The following ADH1C variants were observed in gnomAD, a reference collection of about 807,000 sequenced individuals.
ADH1C encodes alcohol dehydrogenase 1C.
A neutral mutation model predicts 35.0 loss-of-function variants in ADH1C; 26 were observed. The observed-to-expected ratio is 0.74, with a 90% CI of 0.54 to 1.03. ADH1C has a LOEUF of 1.03. ADH1C is among the 50% of genes least tolerant of loss of function. ADH1C has a pLI of 0.00. For missense variants in ADH1C, 413 were observed against 465.4 expected, an observed-to-expected ratio of 0.89 and a Z score of 1.04; for synonymous variants, 170 against 169.3, an observed-to-expected ratio of 1.00 and a Z score of -0.03.
chr4:99,342,520 T>A (rs1295859152), intron 6 of ADH1C, among the ~76,000 whole-genome samples: 5 of 152,174 alleles, frequency 3.3e-5, no homozygotes, highest in Non-Finnish European at 7.4e-5. Context: ...CATTTTAAAC[T>A]AAAAATTAAT....
rs1056165214 is a variant in ADH1C at position 99,339,515 on chromosome 4, C to G, written c.1103+62G>C. On this transcript the variant is annotated intron_variant, in intron 8 of 8. Transcript: ENST00000515683. ...TTTTCATTCTCTGCTAGACAACGCCCCCCCCCCCCCCGCCGCTACTGTAGA... is the reference window on the plus strand; with the variant it reads ...TTTTCATTCTCTGCTAGACAACGCCGCCCCCCCCCCCGCCGCTACTGTAGA... 17 of 203,246 alleles carry G rather than the reference C, an allele frequency of 8.4e-5. No individual in the cohort carries two copies. In the African/African-American group the frequency reaches 4.4e-3, roughly 53 times the overall value. 12.6% of individuals were successfully genotyped at this position (203,246 alleles called of 1,614,324 possible).
At chr4:99,337,055 T>C (rs1005905008) in intron 8 of ADH1C, among the ~76,000 whole-genome samples, 1 of 152,220 alleles carries the variant, frequency 6.6e-6, no homozygotes, top group East Asian at 1.9e-4. Flanking sequence ...AAAAATCATT[T>C]TGGCGTGCCC....
chr4:99,342,337 G>C (rs1296798061), intron 6 of ADH1C, among the ~76,000 whole-genome samples: 5 of 152,134 alleles, frequency 3.3e-5, no homozygotes, highest in Non-Finnish European at 5.9e-5. Context: ...TAAAATAATA[G>C]TTGGTCTAAA....
rs537229023 is a variant in ADH1C at position 99,344,843 on chromosome 4, C to T, written c.567+19G>A. Reference sequence around the variant, plus strand: ...ACAGTCTGCGTGTAACCGGTTTTATCATCCATTGTCATTTCTACCTTGGCA... The same window carrying T: ...ACAGTCTGCGTGTAACCGGTTTTATTATCCATTGTCATTTCTACCTTGGCA... On this transcript the variant is annotated intron_variant, in intron 5 of 8. Coordinates refer to ENST00000515683, the MANE Select transcript of ADH1C (RefSeq NM_000669.5). The T allele has an allele frequency of 6.2e-5, 100 of 1,614,034 alleles. 1 individual carries two copies. The highest frequency in any genetic ancestry group is 8.4e-5 in the Non-Finnish European group (99 of 1,179,960).
intron 6 of ADH1C, among the ~76,000 whole-genome samples, chr4:99,341,547 T>C (rs1294824023): frequency 6.6e-6 from 1 of 152,022 alleles, no homozygotes; most frequent in Non-Finnish European, 1.5e-5. Flanking sequence ...CTGGAAAAAA[T>C]TGGATTCTCT....
chr4:99,342,454 A>G (rs1434469872), intron 6 of ADH1C, among the ~76,000 whole-genome samples: 2 of 152,232 alleles, frequency 1.3e-5, no homozygotes, highest in African/African-American at 2.4e-5. Context: ...TAAAAGAAAA[A>G]TAAAACTTTT....
rs698 is a variant in ADH1C, at chr4:99,339,632, T to C, written c.1048A>G (p.Ile350Val). The C allele has an allele frequency of 0.38, 612,803 of 1,609,470 alleles. 124,425 individuals carry two copies. Among genetic ancestry groups the C allele is most frequent in the Non-Finnish European group, 0.41 (486,895 of 1,177,768 alleles). Reference protein sequence around the residue: ...KFSLDALITNILPFEKINEGF... With the variant: ...KFSLDALITNVLPFEKINEGF... ...TCATTTATTTTTTCAAAAGGTAAAATATTTGTTATTAATGCATCCAGTGAA... is the reference window on the plus strand; with the variant it reads ...TCATTTATTTTTTCAAAAGGTAAAACATTTGTTATTAATGCATCCAGTGAA... The change falls in exon 8 of 9, where the codon ATT becomes GTT. Residue 350 changes from isoleucine (I) to valine (V), a missense_variant. Coordinates refer to ENST00000515683, the MANE Select transcript of ADH1C (RefSeq NM_000669.5).
chr4:99,351,240 T>C (rs1007976946), intron 1 of ADH1C: 14 of 152,236 alleles, frequency 9.2e-5, no homozygotes, highest in African/African-American at 2.7e-4. Context: ...CAGTGGCTAA[T>C]ATTTATTGAC....
chr4:99,342,049 T>A (rs372720393), intron 6 of ADH1C, among the ~76,000 whole-genome samples: 1 of 151,108 alleles, frequency 6.6e-6, no homozygotes, highest in Admixed American at 6.6e-5. Flanking sequence ...TAAAATAAAA[T>A]AAAAAAGGGG....
At chr4:99,347,639 A>G (rs1295244307) in intron 2 of ADH1C, 106 bp downstream of exon 2, 27 of 1,165,240 alleles carry the variant, frequency 2.3e-5, no homozygotes, top group Non-Finnish European at 2.9e-5. Context: ...TATTTTCTGG[A>G]TAATTATATA....
chr4:99,337,538 G>A (rs1276905118), intron 8 of ADH1C, among the ~76,000 whole-genome samples: 1 of 151,980 alleles, frequency 6.6e-6, no homozygotes, highest in East Asian at 1.9e-4. Flanking sequence ...ACCAACTTTT[G>A]ATGAACACTT....
At chr4:99,349,861 A>C (rs1449602524) in intron 1 of ADH1C, among the ~76,000 whole-genome samples, 1 of 151,942 alleles carries the variant, frequency 6.6e-6, no homozygotes, top group African/African-American at 2.4e-5. Context: ...TAAAAACTGG[A>C]GAAACTGTGT....
intron 1 of ADH1C, among the ~76,000 whole-genome samples, chr4:99,348,092 A>G (rs1734584393): frequency 6.8e-6 from 1 of 147,276 alleles, no homozygotes; most frequent in Admixed American, 6.8e-5. Context: ...ATATTCATTT[A>G]GGTTATTCTT....
At position 99,343,022 on chromosome 4, in the gene ADH1C, G is replaced by A; in HGVS notation, c.601C>T (p.Leu201=). ...ACAACAGATAGGCCGACCCCTCCCA[G>A]GCCAAACACAGCACAGGTAGACCCT... The part of the protein sequence containing the change: ...TPGSTCAVFG[L]GGVGLSVVMG... The change falls in exon 6 of 9, where the codon CTG becomes TTG. Residue 201 remains leucine, a synonymous_variant. Coordinates refer to ENST00000515683, the MANE Select transcript of ADH1C (RefSeq NM_000669.5). 6.2e-7 allele frequency: 1 copy of A among 1,614,144 alleles called. No individual in the cohort carries two copies. Among genetic ancestry groups the A allele is most frequent in the Non-Finnish European group, 8.5e-7 (1 of 1,180,022 alleles).
intron 8 of ADH1C, among the ~76,000 whole-genome samples, chr4:99,339,131 C>T (rs1734353957): frequency 6.6e-6 from 1 of 152,010 alleles, no homozygotes; most frequent in African/African-American, 2.4e-5. Context: ...TGTAGTTCCA[C>T]CTACTCCCAT....
rs1476631183 is a variant in ADH1C, at chr4:99,340,669, A to G, written c.870T>C (p.Ser290=). The G allele has an allele frequency of 6.2e-7, 1 of 1,613,124 alleles. No individual in the cohort carries two copies. Among genetic ancestry groups the G allele is most frequent in the Non-Finnish European group, 8.5e-7 (1 of 1,180,010 alleles). The change falls in exon 7 of 9, where the codon AGT becomes AGC. Residue 290 remains serine (S), a synonymous_variant. Transcript: ENST00000515683. Reference sequence around the variant, plus strand: ...AATCAGGAGGTACCCCTACAATGACACTTGTGCCACATGCCTCATGACAAC... The same window carrying G: ...AATCAGGAGGTACCCCTACAATGACGCTTGTGCCACATGCCTCATGACAAC... ...LLCCHEACGT[S]VIVGVPPDSQ...
At chr4:99,343,462 T>G (rs1220537769) in intron 5 of ADH1C, among the ~76,000 whole-genome samples, 2 of 152,204 alleles carry the variant, frequency 1.3e-5, no homozygotes, top group African/African-American at 2.4e-5. Context: ...TGAAATCCCT[T>G]GATAGCCAGC....
chr4:99,344,639 ATTATTGAAAATGACATCT>A (rs754358932), intron 5 of ADH1C, among the ~76,000 whole-genome samples: 7 of 150,342 alleles, frequency 4.7e-5, no homozygotes, highest in Non-Finnish European at 8.9e-5. Context: ...CAGAAGAAAA[ATTATTGAAAATGACATCT>A]TTACATTTTC....
chr4:99,339,757 A>C, intron 7 of ADH1C, 42 bp from the exon 8 acceptor site: 1 of 1,564,958 alleles, frequency 6.4e-7, no homozygotes, highest in Non-Finnish European at 8.7e-7. Flanking sequence ...AACCAGGGTA[A>C]GTAGGAGAAT....
Sources: allele counts gnomAD v4.1 joint callset (sites outside exome capture counted in the v4.1 genomes callset), GRCh38; gene constraint gnomAD v4.1.1; transcripts MANE v1.5; gene names NCBI Gene and HGNC (gene_info 2026-07-23, HGNC 2026-07-21).